TSHR: variants seen among roughly 807,000 people sequenced by gnomAD.
The protein encoded by TSHR is thyroid stimulating hormone receptor.
A neutral mutation model predicts 64.1 loss-of-function variants in TSHR; 51 were observed. The observed-to-expected ratio is 0.80, with a 90% confidence interval of 0.64 to 1.01. The LOEUF is 1.01. Among genes scored for constraint, TSHR ranks in the 50% least tolerant of loss-of-function variants. The pLI, the probability that TSHR is intolerant of heterozygous loss-of-function variation, is 0.00. For missense variants in TSHR, 877 were observed against 942.8 expected (o/e 0.93, Z 0.91); for synonymous variants, 361 against 361.9 (o/e 1.00, Z 0.03).
intron 5 of TSHR, among the ~76,000 whole-genome samples, chr14:81,091,612 T>C (rs1386401312): frequency 6.6e-6 from 1 of 152,252 alleles, no homozygotes; most frequent in East Asian, 1.9e-4. Flanking sequence ...ATAACTATGA[T>C]ACCTTATTTT....
intron 1 of TSHR, chr14:80,982,274 C>A: frequency 1.3e-6 from 1 of 776,778 alleles, no homozygotes; most frequent in Non-Finnish European, 2.0e-6. Context: ...GGGAATGAGT[C>A]CACCAGCTCC....
chr14:80,982,209 C>G (rs1888208004), intron 1 of TSHR: 1 of 591,672 alleles, frequency 1.7e-6, no homozygotes, highest in African/African-American at 1.9e-5. Context: ...GGAAGGAGCC[C>G]CTGTCAGAGC....
chr14:81,121,660 G>T (rs1003275720), intron 8 of TSHR, among the ~76,000 whole-genome samples: 10 of 152,090 alleles, frequency 6.6e-5, no homozygotes, highest in Admixed American at 6.6e-4. Context: ...AAAGAGGGTT[G>T]GCTGGGCACG....
At chr14:81,074,986 A>G (rs1887390278) in intron 3 of TSHR, among the ~76,000 whole-genome samples, 1 of 152,250 alleles carries the variant, frequency 6.6e-6, no homozygotes, top group African/African-American at 2.4e-5. Flanking sequence ...GTATTAGAAC[A>G]TAAGCACTCT....
chr14:81,129,284 C>T (rs60832047), intron 8 of TSHR, among the ~76,000 whole-genome samples: 49,289 of 152,004 alleles, frequency 0.32, 8,221 homozygotes, highest in African/African-American at 0.39. Flanking sequence ...CAGTCTGTTA[C>T]TAACATTTCA....
chr14:80,989,980 T>C (rs1371966916), intron 1 of TSHR, among the ~76,000 whole-genome samples: 4 of 152,222 alleles, frequency 2.6e-5, no homozygotes, highest in African/African-American at 4.8e-5. Context: ...TTCCGGACCA[T>C]TAGTGCCAAA....
At chr14:81,106,839 G>T (rs1889924423) in intron 7 of TSHR, among the ~76,000 whole-genome samples, 1 of 151,470 alleles carries the variant, frequency 6.6e-6, no homozygotes, top group Non-Finnish European at 1.5e-5. Context: ...CAGTTACTCA[G>T]GAGGCTGAGG....
At chr14:81,013,568 C>A (rs2139781541) in intron 1 of TSHR, 1 of 152,274 alleles carries the variant, frequency 6.6e-6, no homozygotes, top group East Asian at 1.9e-4. Flanking sequence ...TAAGAGTTTT[C>A]CAGCCAATAA....
intron 4 of TSHR, among the ~76,000 whole-genome samples, chr14:81,089,059 C>G (rs922549192): frequency 6.7e-6 from 1 of 148,426 alleles, no homozygotes; most frequent in African/African-American, 2.5e-5. Context: ...GTGATCTTGG[C>G]TCACTGCAAC....
At chr14:81,009,317 C>T (rs1232951683) in intron 1 of TSHR, among the ~76,000 whole-genome samples, 1 of 152,150 alleles carries the variant, frequency 6.6e-6, no homozygotes, top group Non-Finnish European at 1.5e-5. Flanking sequence ...CACATTGATT[C>T]ATATACTGGC....
In TSHR at chr14:81,130,948, G is replaced by A. The variant is rs1226051678; in HGVS notation, c.693-8731G>A. The stretch of plus-strand genomic sequence containing the variant: ...GGAGCTTGCAGTGAGCCGAGATTGC[G>A]CCACTGCAGTCCGCAGTCCGGCCTG... On this transcript the variant is annotated intron_variant, in intron 8 of 9. Coordinates refer to ENST00000298171, the MANE Select transcript of TSHR (RefSeq NM_000369.5). 6.1e-5 allele frequency among the ~76,000 whole-genome samples: 5 copies of A among 81,832 alleles called. 1 individual carries two copies. The highest frequency in any genetic ancestry group is 2.2e-4 in the African/African-American group (2 of 8,920). The allele number at this position is 81,832 out of a possible 152,430, so 53.7% of individuals were successfully genotyped here. A position where few individuals can be genotyped will look rare whatever the true frequency, so the allele number is the denominator to read the frequency against.
chr14:80,979,153 A>G lies in TSHR; in HGVS notation c.170+23303A>G, dbSNP rs574967738. ...AAACAGCATAGTCATCTGCAACAAC[A>G]TGGATGAACCTGGAGGATATCATGT... On this transcript the variant is annotated intron_variant, in intron 1 of 9. Coordinates refer to ENST00000298171, the MANE Select transcript of TSHR (RefSeq NM_000369.5). Among the ~76,000 whole-genome samples, 8 of 152,354 alleles carry G rather than the reference A, an allele frequency of 5.3e-5. No individual in the cohort carries two copies. The South Asian group carries it at 1.7e-3, about 32-fold the overall frequency.
chr14:81,120,959 A>C (rs1053221144), intron 8 of TSHR, among the ~76,000 whole-genome samples: 2 of 152,126 alleles, frequency 1.3e-5, no homozygotes, highest in African/African-American at 4.8e-5. Flanking sequence ...GTTGTTAAAG[A>C]TAAAGGGAAA....
intron 3 of TSHR, among the ~76,000 whole-genome samples, chr14:81,076,502 A>T (rs1164994217): frequency 3.3e-5 from 5 of 152,106 alleles, no homozygotes; most frequent in African/African-American, 1.2e-4. Flanking sequence ...CACGTTTTAT[A>T]TCCAAAACTG....
At position 80,955,840 on chromosome 14, in the gene TSHR, A is replaced by G. The variant is rs1198983165; in HGVS notation, c.160A>G (p.Thr54Ala). 1 of 1,614,224 alleles carries G rather than the reference A, an allele frequency of 6.2e-7. No homozygotes were observed. The highest frequency in any genetic ancestry group is 1.1e-5 in the South Asian group (1 of 91,088). Reference sequence around the variant, plus strand: ...ACGCATCCCCAGCTTACCGCCCAGTACGCAGACTCTGTGAGTACCCGGGAG... The same window carrying G: ...ACGCATCCCCAGCTTACCGCCCAGTGCGCAGACTCTGTGAGTACCCGGGAG... ...IQRIPSLPPS[T>A]QTLKLIETHL... Residue 54 changes from threonine (T) to alanine (A), a missense_variant, in exon 1 of 10, where the codon ACG (threonine) becomes GCG (alanine). Coordinates refer to ENST00000298171, the MANE Select transcript of TSHR (RefSeq NM_000369.5).
intron 3 of TSHR, among the ~76,000 whole-genome samples, chr14:81,073,014 AAAAAT>A (rs1887213585): frequency 1.3e-5 from 1 of 79,646 alleles, no homozygotes; most frequent in African/African-American, 7.1e-5. Flanking sequence ...AAAAAAAATA[AAAAAT>A]AAATATATAT....
chr14:81,120,239 A>G (rs1167752507), intron 8 of TSHR, among the ~76,000 whole-genome samples: 2 of 152,214 alleles, frequency 1.3e-5, no homozygotes, highest in Admixed American at 6.5e-5. Flanking sequence ...TCACCATGGT[A>G]ATGCCCACCA....
At chr14:81,074,993 C>G (rs575697057) in intron 3 of TSHR, among the ~76,000 whole-genome samples, 1 of 152,350 alleles carries the variant, frequency 6.6e-6, no homozygotes, top group Admixed American at 6.5e-5. Flanking sequence ...AACATAAGCA[C>G]TCTTTAGCCT....
At chr14:81,011,617 GT>G (rs563857566) in intron 1 of TSHR, among the ~76,000 whole-genome samples, 26 of 151,910 alleles carry the variant, frequency 1.7e-4, no homozygotes, top group African/African-American at 6.3e-4. Context: ...TTTCAAACCA[GT>G]TTTTATACTA....
Sources: allele counts gnomAD v4.1 joint callset (sites outside exome capture counted in the v4.1 genomes callset), GRCh38; gene constraint gnomAD v4.1.1; transcripts MANE v1.5; gene names NCBI Gene and HGNC (gene_info 2026-07-23, HGNC 2026-07-21).